Variants in SOX5 observed in about 807,000 individuals in gnomAD.
SOX5 encodes SRY-box transcription factor 5, also known as transcription factor SOX-5.
A neutral mutation model predicts 92.0 loss-of-function variants in SOX5; 9 were observed. That is an observed-to-expected ratio of 0.10 (90% CI 0.06 to 0.17). The LOEUF is 0.17. Among genes scored for constraint, SOX5 ranks in the 10% least tolerant of loss-of-function variants. The pLI is 1.00. For synonymous variants in SOX5, 344 were observed against 336.3 expected, an observed-to-expected ratio of 1.02 and a Z score of -0.25; for missense variants, 642 against 944.5, an observed-to-expected ratio of 0.68 and a Z score of 4.20.
intron 4 of SOX5, among the ~76,000 whole-genome samples, chr12:24,080,225 T>G (rs976621934): frequency 6.6e-6 from 1 of 151,950 alleles, no homozygotes; most frequent in Non-Finnish European, 1.5e-5. Context: ...CTCTGTGTAT[T>G]TTAGTCAGAA....
intron 3 of SOX5, among the ~76,000 whole-genome samples, chr12:23,844,279 A>G (rs2096551204): frequency 6.6e-6 from 1 of 152,224 alleles, no homozygotes; most frequent in Non-Finnish European, 1.5e-5. Flanking sequence ...CAAAATCCGA[A>G]GTATGGTTTT....
intron 4 of SOX5, among the ~76,000 whole-genome samples, chr12:24,005,453 T>C (rs1952056115): frequency 6.6e-6 from 1 of 152,200 alleles, no homozygotes; most frequent in African/African-American, 2.4e-5. Context: ...TTGTATGCTA[T>C]CATGTTTCTG....
intron 3 of SOX5, among the ~76,000 whole-genome samples, chr12:24,243,628 C>T (rs1461899302): frequency 6.6e-6 from 1 of 151,960 alleles, no homozygotes; most frequent in Non-Finnish European, 1.5e-5. Flanking sequence ...CCGTACATTG[C>T]CTTATAGAAT....
upstream of SOX5, among the ~76,000 whole-genome samples, chr12:23,950,230 T>G (rs1945386902): frequency 6.6e-6 from 1 of 151,668 alleles, no homozygotes. Flanking sequence ...CACCCTTTTC[T>G]AGGCTCTCTC....
intron 1 of SOX5, among the ~76,000 whole-genome samples, chr12:24,512,202 C>T (rs983726356): frequency 6.6e-6 from 1 of 152,092 alleles, no homozygotes; most frequent in Non-Finnish European, 1.5e-5. Flanking sequence ...TGAATGAACT[C>T]GAGGTAAAGT....
chr12:23,696,608 T>C (rs2089908727), intron 6 of SOX5, among the ~76,000 whole-genome samples: 1 of 152,184 alleles, frequency 6.6e-6, no homozygotes, highest in Non-Finnish European at 1.5e-5. Flanking sequence ...CTATTTTTAC[T>C]ACTCTTAATT....
At chr12:23,846,334 C>G in intron 2 of SOX5, 141 bp from the exon 3 acceptor site, 2 of 663,766 alleles carry the variant, frequency 3.0e-6, no homozygotes, top group East Asian at 5.5e-5. Flanking sequence ...GGTTATATGG[C>G]TTATTCAGCT....
At chr12:24,383,355 T>A (rs1958027200) in intron 1 of SOX5, among the ~76,000 whole-genome samples, 1 of 152,226 alleles carries the variant, frequency 6.6e-6, no homozygotes, top group African/African-American at 2.4e-5. Context: ...TACAGATAAA[T>A]CATAAGGAAC....
At chr12:24,098,072 T>G (rs1267997128) in intron 4 of SOX5, among the ~76,000 whole-genome samples, 1 of 152,138 alleles carries the variant, frequency 6.6e-6, no homozygotes, top group African/African-American at 2.4e-5. Context: ...ACTAGAGTGG[T>G]GTGATGCTTG....
chr12:24,350,253 C>T (rs1192396297), intron 2 of SOX5, among the ~76,000 whole-genome samples: 1 of 152,328 alleles, frequency 6.6e-6, no homozygotes, highest in East Asian at 1.9e-4. Context: ...GCCCAGCCAG[C>T]ACAGAGATCT....
chr12:24,207,214 A>C (rs1056260631), intron 4 of SOX5, among the ~76,000 whole-genome samples: 1 of 152,252 alleles, frequency 6.6e-6, no homozygotes, highest in Admixed American at 6.5e-5. Context: ...GTAAAAGTAA[A>C]GGCAACATTC....
intron 4 of SOX5, among the ~76,000 whole-genome samples, chr12:24,139,689 A>G (rs1242478087): frequency 6.6e-6 from 1 of 152,188 alleles, no homozygotes; most frequent in African/African-American, 2.4e-5. Flanking sequence ...CTCTTAGAGG[A>G]CATTTGCTCT....
intron 4 of SOX5, among the ~76,000 whole-genome samples, chr12:23,968,774 C>T (rs76180078): frequency 0.017 from 2,644 of 152,286 alleles, 86 homozygotes; most frequent in African/African-American, 0.06. Flanking sequence ...AGGACCCCTG[C>T]TTTTTATCCT....
chr12:24,125,296 T>C (rs552058209), intron 4 of SOX5, among the ~76,000 whole-genome samples: 76 of 152,276 alleles, frequency 5.0e-4, no homozygotes, highest in Admixed American at 1.2e-3. Flanking sequence ...TCCTTTCTTC[T>C]CCTCACCACC....
intron 1 of SOX5, among the ~76,000 whole-genome samples, chr12:23,903,720 T>G (rs2097261588): frequency 6.6e-6 from 1 of 152,208 alleles, no homozygotes; most frequent in Non-Finnish European, 1.5e-5. Flanking sequence ...TGCCTTAAGT[T>G]TTTCGAGTAG....
At chr12:24,362,437 C>T (rs1338834155) in intron 2 of SOX5, among the ~76,000 whole-genome samples, 1 of 152,200 alleles carries the variant, frequency 6.6e-6, no homozygotes, top group African/African-American at 2.4e-5. Context: ...GTCACCGTAA[C>T]AGCCTATTTG....
At chr12:24,538,193 A>T (rs952846588) in intron 1 of SOX5, among the ~76,000 whole-genome samples, 5 of 152,160 alleles carry the variant, frequency 3.3e-5, no homozygotes, top group African/African-American at 1.2e-4. Context: ...CTGCTTTAAA[A>T]TATTTTTAAC....
chr12:24,255,475 C>T lies in SOX5; in HGVS notation c.-77+21741G>A, dbSNP rs184481087. ...CTGTATAATTTATCTTACCCCAATT[C>T]CAAAACAGTACTTTGAGGGTGTAAG... On this transcript the variant is annotated intron_variant, in intron 3 of 4. Coordinates refer to the SOX5 transcript ENST00000446891. Among the ~76,000 whole-genome samples the T allele has an allele frequency of 3.6e-3, 545 of 152,210 alleles. 3 individuals are homozygous for T. Among genetic ancestry groups the T allele is most frequent in the Admixed American group, 6.0e-3 (92 of 15,292 alleles).
intron 3 of SOX5, among the ~76,000 whole-genome samples, chr12:23,759,030 G>C (rs5003654): frequency 0.011 from 1,581 of 146,266 alleles, 30 homozygotes; most frequent in African/African-American, 0.035. Flanking sequence ...CACACACACA[G>C]ACACACACAC....
Sources: gnomAD v4.1 joint callset for allele counts (sites outside exome capture counted in the v4.1 genomes callset) on GRCh38, gnomAD v4.1.1 for gene constraint, MANE v1.5 for transcripts, NCBI Gene and HGNC (gene_info 2026-07-23, HGNC 2026-07-21) for gene names.